SLC15A2: variants seen among roughly 807,000 people sequenced by gnomAD.
SLC15A2 encodes the protein solute carrier family 15 member 2.
SLC15A2 carries 77 observed loss-of-function variants against 95.5 expected under a neutral mutation model. The observed-to-expected ratio is 0.81, with a 90% CI of 0.67 to 0.97. The LOEUF (loss-of-function observed/expected upper bound fraction) is 0.97. SLC15A2 is among the 50% of genes least tolerant of loss of function. The probability of loss-of-function intolerance (pLI) is 0.00; values close to 1 mark genes in which losing one functional copy is unlikely to be tolerated. For synonymous variants in SLC15A2, 306 were observed against 306.9 expected, an observed-to-expected ratio of 1.00 and a Z score of 0.03; for missense variants, 893 against 874.4, an observed-to-expected ratio of 1.02 and a Z score of -0.27.
intron 19 of SLC15A2, among the ~76,000 whole-genome samples, chr3:121,935,715 G>A (rs1710330276): frequency 1.3e-5 from 2 of 151,946 alleles, no homozygotes; most frequent in African/African-American, 4.8e-5. Flanking sequence ...CAAAAAACCA[G>A]CTCCTGGATT....
intron 3 of SLC15A2, among the ~76,000 whole-genome samples, chr3:121,898,716 C>T (rs974199615): frequency 1.3e-5 from 2 of 152,156 alleles, no homozygotes; most frequent in South Asian, 4.1e-4. Flanking sequence ...ACTATAAAAT[C>T]TCCATAGAAG....
At chr3:121,902,423 A>T (rs978126228) in intron 3 of SLC15A2, among the ~76,000 whole-genome samples, 1 of 151,978 alleles carries the variant, frequency 6.6e-6, no homozygotes, top group Admixed American at 6.6e-5. Context: ...GGTTTGTTAC[A>T]TAGGTATACA....
intron 16 of SLC15A2, 30 bp from the exon 17 acceptor site, chr3:121,929,272 G>A (rs1355354610): frequency 1.2e-6 from 2 of 1,611,926 alleles, no homozygotes; most frequent in African/African-American, 1.3e-5. Flanking sequence ...TTCATCAGCT[G>A]TTACTGATTT....
chr3:121,927,932 A>T, intron 14 of SLC15A2, 93 bp downstream of exon 14: 1 of 893,778 alleles, frequency 1.1e-6, no homozygotes, highest in African/African-American at 1.6e-5. Context: ...CCTGGGACCT[A>T]GCACAGTACC....
chr3:121,904,387 G>C (rs1176160439), intron 3 of SLC15A2, among the ~76,000 whole-genome samples: 5 of 152,174 alleles, frequency 3.3e-5, no homozygotes, highest in Non-Finnish European at 7.3e-5. Flanking sequence ...CCAACACTAT[G>C]TTGAATAGAA....
chr3:121,904,562 G>T (rs904958408), intron 3 of SLC15A2, among the ~76,000 whole-genome samples: 3 of 152,090 alleles, frequency 2.0e-5, no homozygotes, highest in African/African-American at 4.8e-5. Context: ...TAGCATGAAG[G>T]GCTGTTGATT....
chr3:121,913,482 C>T (rs1039034128), intron 5 of SLC15A2, among the ~76,000 whole-genome samples: 3 of 152,128 alleles, frequency 2.0e-5, no homozygotes, highest in Non-Finnish European at 4.4e-5. Context: ...CAGTGTTTTG[C>T]TTGATGGGTG....
At chr3:121,928,755 A>T (rs1710171694) in intron 15 of SLC15A2, among the ~76,000 whole-genome samples, 200 bp downstream of exon 15, 1 of 152,132 alleles carries the variant, frequency 6.6e-6, no homozygotes, top group African/African-American at 2.4e-5. Context: ...TTCCGTTTTT[A>T]TTATTATACA....
At chr3:121,925,647 G>C (rs1219346975) in intron 13 of SLC15A2, among the ~76,000 whole-genome samples, 2 of 142,052 alleles carry the variant, frequency 1.4e-5, no homozygotes, top group Admixed American at 7.1e-5. Flanking sequence ...TTAGGACCAA[G>C]TGTCATGAAA....
chr3:121,922,108 G>A, intron 7 of SLC15A2, 112 bp from the exon 8 acceptor site: 1 of 769,430 alleles, frequency 1.3e-6, no homozygotes, highest in Non-Finnish European at 2.2e-6. Context: ...ATTTAGGTTT[G>A]TGCAAAAGTT....
intron 13 of SLC15A2, 94 bp downstream of exon 13, chr3:121,925,127 G>A: frequency 1.1e-6 from 1 of 894,536 alleles, no homozygotes; most frequent in Non-Finnish European, 1.8e-6. Flanking sequence ...TTCTTAGTGA[G>A]GATTGGTTTT....
intron 9 of SLC15A2, 36 bp downstream of exon 9, chr3:121,922,897 T>C (rs1559848914): frequency 4.4e-6 from 7 of 1,583,176 alleles, no homozygotes; most frequent in Admixed American, 1.7e-5. Flanking sequence ...TATGGCTTGA[T>C]AGAGTCTTTC....
intron 19 of SLC15A2, 89 bp from the exon 20 acceptor site, chr3:121,939,260 A>C: frequency 9.5e-7 from 1 of 1,057,860 alleles, no homozygotes; most frequent in Non-Finnish European, 1.3e-6. Context: ...AAATACAAAA[A>C]GGATGGATAT....
At chr3:121,934,933 A>G (rs1445971028) in intron 19 of SLC15A2, among the ~76,000 whole-genome samples, 60 of 151,770 alleles carry the variant, frequency 4.0e-4, no homozygotes, top group African/African-American at 1.4e-3. Flanking sequence ...TTTGAAATAC[A>G]TCCCATCAAT....
intron 3 of SLC15A2, 127 bp downstream of exon 3, chr3:121,897,656 A>C (rs1709444613): frequency 3.4e-6 from 3 of 872,502 alleles, no homozygotes; most frequent in African/African-American, 3.4e-5. Context: ...ATCTCTGTAC[A>C]TCTGTGTAGT....
chr3:121,922,911 A>T, intron 9 of SLC15A2, 50 bp downstream of exon 9: 1 of 1,564,868 alleles, frequency 6.4e-7, no homozygotes, highest in Non-Finnish European at 8.8e-7. Context: ...GTCTTTCCTA[A>T]TGTTCAAAAT....
At chr3:121,895,831 G>A (rs1211790411) in intron 1 of SLC15A2, among the ~76,000 whole-genome samples, 1 of 152,148 alleles carries the variant, frequency 6.6e-6, no homozygotes, top group African/African-American at 2.4e-5. Flanking sequence ...TAAGAACTCT[G>A]CCTAAAGTCA....
chr3:121,910,775 T>C (rs3805136), intron 3 of SLC15A2, among the ~76,000 whole-genome samples: 2 of 152,196 alleles, frequency 1.3e-5, no homozygotes, highest in East Asian at 3.8e-4. Flanking sequence ...ATAAGGAATA[T>C]ATGTTGTAGT....
chr3:121,905,954 A>C (rs1019313709), intron 3 of SLC15A2, among the ~76,000 whole-genome samples: 1 of 152,152 alleles, frequency 6.6e-6, no homozygotes, highest in African/African-American at 2.4e-5. Flanking sequence ...GGGGTGTTAA[A>C]GTCTTCCATT....
Sources: allele counts gnomAD v4.1 joint callset (sites outside exome capture counted in the v4.1 genomes callset), GRCh38; gene constraint gnomAD v4.1.1; transcripts MANE v1.5; gene names NCBI Gene and HGNC (gene_info 2026-07-23, HGNC 2026-07-21).